CSMD3: variants seen among roughly 807,000 people sequenced by gnomAD.
CSMD3 encodes the protein CUB and sushi domain-containing protein 3.
CSMD3 carries 177 observed loss-of-function variants against 435.2 expected under a neutral mutation model. The observed-to-expected ratio is 0.41, with a 90% confidence interval of 0.36 to 0.46. CSMD3 has a LOEUF of 0.46. Among genes scored for constraint, CSMD3 ranks in the 20% least tolerant of loss-of-function variants. The pLI, the probability that CSMD3 is intolerant of heterozygous loss-of-function variation, is 0.34. For synonymous variants in CSMD3, 1,656 were observed against 1,520.5 expected (o/e 1.09, Z -2.07); for missense variants, 4,265 against 4,504.6 (o/e 0.95, Z 1.52).
chr8:113,360,120 CT>C (rs1236832015), intron 1 of CSMD3, among the ~76,000 whole-genome samples: 2 of 152,006 alleles, frequency 1.3e-5, no homozygotes, highest in African/African-American at 4.8e-5. Flanking sequence ...TATATAGTGT[CT>C]GTTTTATTTT....
chr8:112,686,730 C>A (rs2076021418), intron 14 of CSMD3, among the ~76,000 whole-genome samples: 2 of 152,216 alleles, frequency 1.3e-5, no homozygotes, highest in African/African-American at 2.4e-5. Flanking sequence ...AAGTGATCCA[C>A]CTGCCTCGGC....
intron 3 of CSMD3, among the ~76,000 whole-genome samples, chr8:113,225,972 T>C (rs1306973637): frequency 4.6e-5 from 7 of 151,432 alleles, no homozygotes; most frequent in African/African-American, 1.7e-4. Flanking sequence ...CGAGATCTGA[T>C]GGTTTTATAA....
chr8:112,328,156 C>T (rs2130910011), intron 45 of CSMD3, among the ~76,000 whole-genome samples: 1 of 152,258 alleles, frequency 6.6e-6, no homozygotes, highest in Admixed American at 6.5e-5. Flanking sequence ...CTTCAGTGCT[C>T]ATCCAGATTA....
intron 10 of CSMD3, among the ~76,000 whole-genome samples, chr8:112,906,210 G>T (rs1222942728): frequency 1.3e-5 from 2 of 151,136 alleles, no homozygotes; most frequent in Non-Finnish European, 3.0e-5. Context: ...AGTCTTAGTT[G>T]CAAGTCTGGT....
At chr8:113,239,082 C>T (rs1175234620) in intron 3 of CSMD3, among the ~76,000 whole-genome samples, 2 of 152,124 alleles carry the variant, frequency 1.3e-5, no homozygotes, top group Non-Finnish European at 2.9e-5. Context: ...GGGTATTTTT[C>T]TTGCCTGTCC....
At chr8:113,120,965 T>C (rs928725629) in intron 4 of CSMD3, among the ~76,000 whole-genome samples, 1 of 152,116 alleles carries the variant, frequency 6.6e-6, no homozygotes, top group African/African-American at 2.4e-5. Context: ...TGCTTACGTT[T>C]TTCTAAATGG....
chr8:112,432,171 A>C (rs1314328827), intron 32 of CSMD3, among the ~76,000 whole-genome samples: 1 of 152,118 alleles, frequency 6.6e-6, no homozygotes, highest in Non-Finnish European at 1.5e-5. Flanking sequence ...AGACTATTCC[A>C]TATGTTAATA....
At chr8:113,070,286 G>A (rs2089051833) in intron 5 of CSMD3, among the ~76,000 whole-genome samples, 2 of 152,114 alleles carry the variant, frequency 1.3e-5, no homozygotes, top group South Asian at 4.1e-4. Flanking sequence ...CTGCATGGGA[G>A]TGTTTAAAGG....
At chr8:113,290,086 A>C (rs1185933839) in intron 2 of CSMD3, among the ~76,000 whole-genome samples, 1 of 151,770 alleles carries the variant, frequency 6.6e-6, no homozygotes, top group African/African-American at 2.4e-5. Context: ...ATAATAAATA[A>C]TCTTTGTGAT....
intron 22 of CSMD3, among the ~76,000 whole-genome samples, chr8:112,603,954 C>T (rs886929775): frequency 1.3e-5 from 2 of 152,018 alleles, no homozygotes; most frequent in African/African-American, 4.8e-5. Flanking sequence ...GAAATAAAAT[C>T]TTCATTATGT....
At chr8:113,312,314 A>G (rs1342549251) in intron 2 of CSMD3, 2 of 152,176 alleles carry the variant, frequency 1.3e-5, no homozygotes, top group Non-Finnish European at 2.9e-5. Context: ...AAATACCATA[A>G]TGAACACAAA....
chr8:112,561,573 A>G (rs1362778972), intron 24 of CSMD3, among the ~76,000 whole-genome samples: 1 of 151,668 alleles, frequency 6.6e-6, no homozygotes, highest in African/African-American at 2.4e-5. Flanking sequence ...ATTCAGATTA[A>G]TATTCAGATT....
At chr8:112,232,194 A>C (rs1401511729) in intron 68 of CSMD3, among the ~76,000 whole-genome samples, 1 of 152,242 alleles carries the variant, frequency 6.6e-6, no homozygotes, top group Admixed American at 6.5e-5. Flanking sequence ...CATTCATATG[A>C]AAGTCAGAAC....
chr8:112,743,310 A>C (rs1388763069), intron 13 of CSMD3, among the ~76,000 whole-genome samples: 2 of 151,634 alleles, frequency 1.3e-5, no homozygotes, highest in Non-Finnish European at 1.5e-5. Context: ...AAAAAAAAAT[A>C]AATAAATAAA....
intron 13 of CSMD3, among the ~76,000 whole-genome samples, chr8:112,692,343 G>A (rs1227395566): frequency 1.3e-5 from 2 of 151,872 alleles, no homozygotes; most frequent in Non-Finnish European, 2.9e-5. Flanking sequence ...CTTATGTTTT[G>A]GTTTACTTTG....
intron 10 of CSMD3, among the ~76,000 whole-genome samples, chr8:112,876,803 G>T (rs1340385419): frequency 6.6e-6 from 1 of 152,044 alleles, no homozygotes; most frequent in Non-Finnish European, 1.5e-5. Context: ...AAATGGGAAG[G>T]GAGAAAGTCA....
chr8:112,427,098 T>C (rs954619352), intron 32 of CSMD3, among the ~76,000 whole-genome samples: 1 of 152,204 alleles, frequency 6.6e-6, no homozygotes, highest in Non-Finnish European at 1.5e-5. Context: ...AAAATGAGGA[T>C]ATTTAGTTCA....
rs1258417172 is a variant in CSMD3 at position 113,099,033 on chromosome 8, G to A, written c.710-70C>T. The stretch of plus-strand genomic sequence containing the variant: ...ATGCAATTGTTCAGTTGTAAGTAAA[G>A]CAAGTCAATATGTTTGGATAAAAAT... On this transcript the variant is annotated intron_variant, in intron 4 of 70. Transcript: ENST00000297405. 3.4e-5 allele frequency: 33 copies of A among 964,984 alleles called. No individual in the cohort carries two copies. The East Asian group carries it at 5.7e-4, about 17-fold the overall frequency. The allele number at this position is 964,984 out of a possible 1,614,324, so 59.8% of individuals were successfully genotyped here. A position where few individuals can be genotyped will look rare whatever the true frequency, so the allele number is the denominator to read the frequency against.
At chr8:112,889,945 C>G (rs907073779) in intron 10 of CSMD3, among the ~76,000 whole-genome samples, 1 of 151,572 alleles carries the variant, frequency 6.6e-6, no homozygotes, top group Non-Finnish European at 1.5e-5. Context: ...CCCTGACAAA[C>G]AGCCAGATCA....
Sources: gnomAD v4.1 joint callset for allele counts (sites outside exome capture counted in the v4.1 genomes callset) on GRCh38, gnomAD v4.1.1 for gene constraint, MANE v1.5 for transcripts, NCBI Gene and HGNC (gene_info 2026-07-23, HGNC 2026-07-21) for gene names.